Variants in HERC3 observed in about 807,000 individuals in gnomAD.
HERC3 encodes probable E3 ubiquitin-protein ligase HERC3.
HERC3 carries 58 observed loss-of-function variants against 129.9 expected under a neutral mutation model. That is an observed-to-expected ratio of 0.45 (90% CI 0.36 to 0.56). The LOEUF is 0.56. Ranked by LOEUF, HERC3 falls within the 20% of genes least tolerant of loss-of-function variation. The probability of loss-of-function intolerance (pLI) is 0.00; values close to 1 mark genes in which losing one functional copy is unlikely to be tolerated. For synonymous variants in HERC3, 430 were observed against 451.0 expected (o/e 0.95, Z 0.59); for missense variants, 835 against 1,244.2 (o/e 0.67, Z 4.95).
Position 88,669,844 on chromosome 4 carries a change from T to G in HERC3, c.1634-16T>G, listed in dbSNP as rs1731427149. On this transcript the variant is annotated splice_polypyrimidine_tract_variant and intron_variant, in intron 14 of 25. Coordinates refer to ENST00000402738, the MANE Select transcript of HERC3 (RefSeq NM_014606.3). ...AAGATTACATGTTGAAATATGTCTT[T>G]TCTTTCTTTCTAAAGATAACTGGTG... is the stretch of plus-strand genomic sequence containing the variant. 2 of 1,604,588 alleles carry G rather than the reference T, an allele frequency of 1.2e-6. No homozygotes were observed. Among genetic ancestry groups the G allele is most frequent in the South Asian group, 2.2e-5 (2 of 90,674 alleles).
At chr4:88,697,935 G>A in intron 23 of HERC3, 2 of 773,800 alleles carry the variant, frequency 2.6e-6, no homozygotes, top group South Asian at 1.9e-5. Flanking sequence ...ATCAGCTGAC[G>A]GCCGTGTGCT....
chr4:88,650,042 C>G, intron 4 of HERC3, 43 bp downstream of exon 4: 1 of 1,581,554 alleles, frequency 6.3e-7, no homozygotes, highest in Non-Finnish European at 8.6e-7. Flanking sequence ...ATGCTATTTC[C>G]TGCTGTTGAT....
At chr4:88,555,622 T>C in the HERC3 span, among the ~76,000 whole-genome samples, 1 of 152,344 alleles carries the variant, frequency 6.6e-6, no homozygotes, top group East Asian at 1.9e-4. Context: ...TGTGTATTTA[T>C]TGAAAACAAT....
chr4:88,602,800 G>C (rs542138990), intron 2 of HERC3, among the ~76,000 whole-genome samples: 3 of 152,118 alleles, frequency 2.0e-5, no homozygotes, highest in Non-Finnish European at 2.9e-5. Context: ...TTCATATCCA[G>C]ATAAAGTGAT....
intron 21 of HERC3, 29 bp from the exon 22 acceptor site, chr4:88,686,707 C>T: frequency 6.6e-7 from 1 of 1,519,098 alleles, no homozygotes; most frequent in Non-Finnish European, 9.1e-7. Flanking sequence ...TGACTTGCCA[C>T]TTTTCCTTTT....
chr4:88,556,950 C>T, the HERC3 span, among the ~76,000 whole-genome samples: 11,373 of 152,090 alleles, frequency 0.075, 608 homozygotes, highest in East Asian at 0.27. Context: ...TCTTCAGCCT[C>T]ATTTATCACC....
At chr4:88,550,126 T>C in the HERC3 span, among the ~76,000 whole-genome samples, 1 of 152,166 alleles carries the variant, frequency 6.6e-6, no homozygotes, top group African/African-American at 2.4e-5. Context: ...ACTTGTGTGC[T>C]AGGAGAGAAA....
At chr4:88,643,102 G>T (rs1211901769) in intron 3 of HERC3, among the ~76,000 whole-genome samples, 1 of 152,114 alleles carries the variant, frequency 6.6e-6, no homozygotes, top group Non-Finnish European at 1.5e-5. Context: ...TTAACGATAT[G>T]CAATTGGAAA....
At chr4:88,540,782 G>A in the HERC3 span, among the ~76,000 whole-genome samples, 3 of 152,166 alleles carry the variant, frequency 2.0e-5, no homozygotes, top group African/African-American at 7.2e-5. Flanking sequence ...GAGAGTGGGA[G>A]CCAATATTCA....
chr4:88,603,302 G>A (rs1723228761), intron 2 of HERC3, among the ~76,000 whole-genome samples: 1 of 151,380 alleles, frequency 6.6e-6, no homozygotes, highest in South Asian at 2.1e-4. Context: ...CTGCCTCCTG[G>A]GTTCAAGCGA....
At chr4:88,541,490 A>T in the HERC3 span, among the ~76,000 whole-genome samples, 4 of 152,180 alleles carry the variant, frequency 2.6e-5, no homozygotes, top group African/African-American at 9.7e-5. Context: ...CACAATAACA[A>T]TGGGAGACTT....
At chr4:88,646,477 C>T (rs1168216589) in intron 3 of HERC3, among the ~76,000 whole-genome samples, 1 of 152,144 alleles carries the variant, frequency 6.6e-6, no homozygotes, top group East Asian at 1.9e-4. Context: ...TAAAGTGTTG[C>T]TGTGGAAGGT....
chr4:88,660,593 C>G (rs1730390772), intron 10 of HERC3, among the ~76,000 whole-genome samples: 1 of 152,172 alleles, frequency 6.6e-6, no homozygotes, highest in Non-Finnish European at 1.5e-5. Context: ...TTCAGATACC[C>G]CTTTGCTACA....
chr4:88,640,497 TCTCA>T (rs1195848255), intron 3 of HERC3, among the ~76,000 whole-genome samples: 3 of 152,126 alleles, frequency 2.0e-5, no homozygotes, highest in African/African-American at 7.2e-5. Flanking sequence ...CACCACATGT[TCTCA>T]CTCATAAGTG....
At chr4:88,640,671 C>T (rs888703495) in intron 3 of HERC3, among the ~76,000 whole-genome samples, 4 of 151,372 alleles carry the variant, frequency 2.6e-5, no homozygotes, top group Non-Finnish European at 5.9e-5. Context: ...ACCACCATGG[C>T]ACATGTATAC....
At chr4:88,681,382 G>A in intron 21 of HERC3, 57 bp downstream of exon 21, 1 of 1,448,852 alleles carries the variant, frequency 6.9e-7, no homozygotes, top group Non-Finnish European at 9.5e-7. Flanking sequence ...TCTGGCATGA[G>A]GATTAAAGGT....
the HERC3 span, among the ~76,000 whole-genome samples, chr4:88,561,809 A>G: frequency 6.6e-6 from 1 of 152,158 alleles, no homozygotes; most frequent in East Asian, 1.9e-4. Context: ...TAATGTCCTC[A>G]AGTTCCATCC....
the HERC3 span, among the ~76,000 whole-genome samples, chr4:88,524,329 T>C: frequency 6.6e-6 from 1 of 152,204 alleles, no homozygotes; most frequent in East Asian, 1.9e-4. Flanking sequence ...ATTTGCGTAA[T>C]AAAGCACAGC....
intron 23 of HERC3, among the ~76,000 whole-genome samples, chr4:88,698,759 C>T (rs1734954566): frequency 6.6e-6 from 1 of 150,778 alleles, no homozygotes; most frequent in South Asian, 2.1e-4. Flanking sequence ...CCCTCCTGCC[C>T]CTCCCCCGCA....
Sources: gnomAD v4.1 joint callset for allele counts (sites outside exome capture counted in the v4.1 genomes callset) on GRCh38, gnomAD v4.1.1 for gene constraint, MANE v1.5 for transcripts, NCBI Gene and HGNC (gene_info 2026-07-23, HGNC 2026-07-21) for gene names.